CWF19L2: variants seen among roughly 807,000 people sequenced by gnomAD.
CWF19L2 encodes the protein CWF19-like protein 2.
Under a neutral mutation model 111.7 loss-of-function variants are expected in CWF19L2, and 98 were observed. The ratio of observed to expected loss-of-function variants is 0.88; its 90% CI spans 0.75 to 1.04. The LOEUF (loss-of-function observed/expected upper bound fraction) is 1.04, where lower values mean the gene tolerates loss of function less well. Ranked by LOEUF, CWF19L2 falls within the 50% of genes least tolerant of loss-of-function variation. The probability of loss-of-function intolerance (pLI) is 0.00; values close to 1 mark genes in which losing one functional copy is unlikely to be tolerated. For synonymous variants in CWF19L2, 351 were observed against 342.9 expected, an observed-to-expected ratio of 1.02 and a Z score of -0.26; for missense variants, 1,101 against 1,051.4, an observed-to-expected ratio of 1.05 and a Z score of -0.65.
chr11:107,408,126 TG>T (rs1408331294), intron 10 of CWF19L2, among the ~76,000 whole-genome samples: 1 of 152,044 alleles, frequency 6.6e-6, no homozygotes, highest in Non-Finnish European at 1.5e-5. Flanking sequence ...CACTAGGCCC[TG>T]TTCAATACCT....
At chr11:107,389,679 A>T (rs1173945951) in intron 12 of CWF19L2, among the ~76,000 whole-genome samples, 2 of 152,304 alleles carry the variant, frequency 1.3e-5, no homozygotes, top group East Asian at 3.9e-4. Context: ...ATTAGTGCAA[A>T]TATTTTCTTC....
rs1328605917 is a variant in CWF19L2 at position 107,378,857 on chromosome 11, AAGAT to A, written c.1872+11213_1872+11216del. Among the ~76,000 whole-genome samples, 7 of 143,568 alleles carry A rather than the reference AAGAT, an allele frequency of 4.9e-5. No homozygotes were observed. The South Asian group carries it at 8.9e-4, about 18-fold the overall frequency. 94.2% of individuals were successfully genotyped at this position (143,568 alleles called of 152,430 possible). ...ATATATATTGTAACAAAAAAAAAGA[AAGAT>A]AGCATCGATAGTGTGATGGCAACAG... On this transcript the variant is annotated intron_variant, in intron 12 of 17. Transcript: ENST00000282251.
chr11:107,450,850 C>T (rs145466766), intron 3 of CWF19L2, among the ~76,000 whole-genome samples: 2 of 152,078 alleles, frequency 1.3e-5, no homozygotes, highest in Non-Finnish European at 2.9e-5. Context: ...TTCAAAATTA[C>T]ATAAGGCAAA....
At chr11:107,437,677 G>C (rs1357247630) in intron 6 of CWF19L2, among the ~76,000 whole-genome samples, 2 of 152,136 alleles carry the variant, frequency 1.3e-5, no homozygotes, top group Non-Finnish European at 2.9e-5. Context: ...TTTTCTCCTA[G>C]TATCTTTGAT....
At chr11:107,420,681 C>T (rs1861291115) in intron 8 of CWF19L2, among the ~76,000 whole-genome samples, 1 of 152,060 alleles carries the variant, frequency 6.6e-6, no homozygotes, top group East Asian at 1.9e-4. Flanking sequence ...TATATACATA[C>T]CTATGTTAAA....
chr11:107,442,796 G>GGAAGGAAGGA lies in CWF19L2; in HGVS notation c.450+142_450+143insTCCTTCCTTC, dbSNP rs1565287351. On this transcript the variant is annotated intron_variant, in intron 4 of 17. Transcript: ENST00000282251. ...GAAGGAAGGAAGGAAGGAAGGAAGGGAGGGAGGGAGGGAGGGAGGGAGGGG... is the reference window on the plus strand; with the variant it reads ...GAAGGAAGGAAGGAAGGAAGGAAGGGGAAGGAAGGAAGGGAGGGAGGGAGGGAGGGAGGGG... The GGAAGGAAGGA allele has an allele frequency of 8.7e-5, 15 of 172,802 alleles. 1 individual carries two copies. The African/African-American group carries it at 9.3e-4, about 11-fold the overall frequency. 10.7% of individuals were successfully genotyped at this position (172,802 alleles called of 1,614,324 possible).
At chr11:107,355,387 A>T (rs1860220993) in intron 12 of CWF19L2, among the ~76,000 whole-genome samples, 1 of 150,546 alleles carries the variant, frequency 6.6e-6, no homozygotes. Flanking sequence ...TGCACTCTAG[A>T]CTGGGCGACA....
intron 14 of CWF19L2, chr11:107,348,592 C>T (rs963707547): frequency 1.9e-5 from 3 of 155,826 alleles, no homozygotes; most frequent in African/African-American, 4.8e-5. Flanking sequence ...TATCTGAAAA[C>T]GTCTTTCCTT....
intron 10 of CWF19L2, among the ~76,000 whole-genome samples, chr11:107,396,087 C>T (rs185140840): frequency 7.2e-5 from 11 of 152,262 alleles, no homozygotes; most frequent in Admixed American, 2.0e-4. Flanking sequence ...ATTTTGGGTA[C>T]GCAAGACAGA....
At chr11:107,347,376 GA>G (rs1156309530) in intron 14 of CWF19L2, among the ~76,000 whole-genome samples, 1 of 152,014 alleles carries the variant, frequency 6.6e-6, no homozygotes, top group Non-Finnish European at 1.5e-5. Context: ...AATAATCAAA[GA>G]TACTCACTAG....
rs1363461208 is a variant in CWF19L2, at chr11:107,375,391, T to C, written c.1872+14683A>G. Among the ~76,000 whole-genome samples, 6 of 138,118 alleles carry C rather than the reference T, an allele frequency of 4.3e-5. 2 individuals are homozygous for C. The highest frequency in any genetic ancestry group is 1.7e-4 in the African/African-American group (6 of 35,264). The allele number at this position is 138,118 out of a possible 152,430, so 90.6% of individuals were successfully genotyped here. A position where few individuals can be genotyped will look rare whatever the true frequency, so the allele number is the denominator to read the frequency against. On this transcript the variant is annotated intron_variant, in intron 12 of 17. Coordinates refer to ENST00000282251, the MANE Select transcript of CWF19L2 (RefSeq NM_152434.3). The stretch of plus-strand genomic sequence containing the variant: ...TGGAAGTAAAGCTCTCCTCAGCAAA[T>C]GTAAAAGAACAGAAATTATAACAAA...
Position 107,327,046 on chromosome 11 carries a change from A to G in CWF19L2, c.2549T>C (p.Ile850Thr). Reference sequence around the variant, plus strand: ...TGGTTCTATATCCAGCATCCCACCTATGATTTCCTTTTAAAGAAAGAGAAA... The same window carrying G: ...TGGTTCTATATCCAGCATCCCACCTGTGATTTCCTTTTAAAGAAAGAGAAA... The part of the protein sequence containing the change: ...KFPHYFGKEI[I>T]GGMLDIEPRL... Residue 850 changes from isoleucine (I) to threonine (T), a missense_variant, in exon 18 of 18, where the codon ATA (isoleucine) becomes ACA (threonine). Physicochemically the swap from Ile to Thr is moderately conservative, Grantham distance 89. Coordinates refer to ENST00000282251, the MANE Select transcript of CWF19L2 (RefSeq NM_152434.3). 6.3e-7 allele frequency: 1 copy of G among 1,590,594 alleles called. No individual in the cohort carries two copies. Among genetic ancestry groups the G allele is most frequent in the Non-Finnish European group, 8.5e-7 (1 of 1,172,740 alleles).
At chr11:107,338,103 G>C (rs1298563047) in intron 14 of CWF19L2, among the ~76,000 whole-genome samples, 1 of 152,030 alleles carries the variant, frequency 6.6e-6, no homozygotes, top group Non-Finnish European at 1.5e-5. Flanking sequence ...TGTTGCCCAG[G>C]CTGAAGTACC....
intron 14 of CWF19L2, chr11:107,345,368 G>A: frequency 2.8e-6 from 1 of 363,096 alleles, no homozygotes; most frequent in Non-Finnish European, 5.5e-6. Flanking sequence ...TACATAAAAA[G>A]CAACAGCAAT....
intron 14 of CWF19L2, among the ~76,000 whole-genome samples, chr11:107,341,969 T>C (rs556957085): frequency 6.6e-6 from 1 of 152,232 alleles, no homozygotes; most frequent in Non-Finnish European, 1.5e-5. Flanking sequence ...TTTGTTGGTC[T>C]TGCTGGAAGT....
chr11:107,363,078 G>A (rs1437193906), intron 12 of CWF19L2, among the ~76,000 whole-genome samples: 5 of 152,110 alleles, frequency 3.3e-5, no homozygotes, highest in Admixed American at 6.6e-5. Context: ...TATCAGCGAT[G>A]GAAGATGAAA....
At chr11:107,361,518 G>A (rs938651674) in intron 12 of CWF19L2, among the ~76,000 whole-genome samples, 2 of 152,098 alleles carry the variant, frequency 1.3e-5, no homozygotes, top group Admixed American at 1.3e-4. Context: ...GAAAAATGCT[G>A]TTGGTATGTT....
chr11:107,429,102 A>AG lies in CWF19L2; in HGVS notation c.1129dup (p.Leu377ProfsTer11). 6.2e-7 allele frequency: 1 copy of AG among 1,613,830 alleles called. No individual in the cohort carries two copies. Among genetic ancestry groups the AG allele is most frequent in the Non-Finnish European group, 8.5e-7 (1 of 1,179,820 alleles). On this transcript the variant is annotated frameshift_variant, in exon 8 of 18. Coordinates refer to ENST00000282251, the MANE Select transcript of CWF19L2 (RefSeq NM_152434.3). LOFTEE classifies it high-confidence loss of function. Reference sequence around the variant, plus strand: ...TTTTCTGCCCTTGCTGTGAAATGACAGTTCTTCATCATCAGAGGGTCTCAA... The same window carrying AG: ...TTTTCTGCCCTTGCTGTGAAATGACAGGTTCTTCATCATCAGAGGGTCTCAA...
chr11:107,448,506 G>C (rs1331974662), intron 3 of CWF19L2, among the ~76,000 whole-genome samples: 1 of 151,726 alleles, frequency 6.6e-6, no homozygotes, highest in Non-Finnish European at 1.5e-5. Context: ...ACCAAAATGA[G>C]AGGGAACAGA....
Sources: allele counts gnomAD v4.1 joint callset (sites outside exome capture counted in the v4.1 genomes callset), GRCh38; gene constraint gnomAD v4.1.1; transcripts MANE v1.5; gene names NCBI Gene and HGNC (gene_info 2026-07-23, HGNC 2026-07-21).